KDM1A: variants seen among roughly 807,000 people sequenced by gnomAD.
KDM1A encodes lysine demethylase 1A.
In KDM1A, 49 loss-of-function variants were observed where a neutral mutation model predicts 109.4. That is an observed-to-expected ratio of 0.45 (90% CI 0.36 to 0.57). The LOEUF (loss-of-function observed/expected upper bound fraction) is 0.57. KDM1A is among the 20% of genes least tolerant of loss of function. The probability of loss-of-function intolerance (pLI) is 0.00; values close to 1 mark genes in which losing one functional copy is unlikely to be tolerated. For missense variants in KDM1A, 668 were observed against 1,116.6 expected (o/e 0.60, Z 5.73); for synonymous variants, 380 against 415.4 (o/e 0.91, Z 1.04).
intron 2 of KDM1A, 70 bp from the exon 3 acceptor site, chr1:23,044,357 G>C (rs1372920271): frequency 2.1e-6 from 3 of 1,423,140 alleles, no homozygotes; most frequent in Non-Finnish European, 2.9e-6. Flanking sequence ...CCAACTATTA[G>C]GCCTTTATGT....
chr1:23,067,601 CTG>C (rs1326298989), intron 10 of KDM1A, among the ~76,000 whole-genome samples: 2 of 152,204 alleles, frequency 1.3e-5, no homozygotes, highest in South Asian at 4.1e-4. Context: ...TTTAGGTTGA[CTG>C]TATAATGAAA....
intron 15 of KDM1A, among the ~76,000 whole-genome samples, chr1:23,074,390 C>T (rs1361533717): frequency 6.6e-6 from 1 of 152,184 alleles, no homozygotes; most frequent in Non-Finnish European, 1.5e-5. Flanking sequence ...TCCTTGTCAT[C>T]TGTGGCTTGT....
intron 1 of KDM1A, among the ~76,000 whole-genome samples, chr1:23,029,465 C>A (rs1162501096): frequency 6.6e-6 from 1 of 152,070 alleles, no homozygotes; most frequent in Admixed American, 6.5e-5. Flanking sequence ...TTTGGCTAAC[C>A]AATCCATAAT....
rs755993664 is a variant in KDM1A at position 23,062,523 on chromosome 1, T to C, written c.1167+3356T>C. 3.3e-5 allele frequency among the ~76,000 whole-genome samples: 5 copies of C among 152,242 alleles called. No individual in the cohort carries two copies. In the South Asian group the frequency reaches 8.3e-4, roughly 25 times the overall value. Reference sequence around the variant, plus strand: ...AAGGCCAGAAAGTTACTCAGAGTTATATCACTAGTAATAGTGTCTTAAGGA... The same window carrying C: ...AAGGCCAGAAAGTTACTCAGAGTTACATCACTAGTAATAGTGTCTTAAGGA... On this transcript the variant is annotated intron_variant, in intron 9 of 20. Transcript: ENST00000400181.
At chr1:23,055,023 A>T in intron 5 of KDM1A, 46 bp from the exon 6 acceptor site, 1 of 1,227,686 alleles carries the variant, frequency 8.1e-7, no homozygotes, top group Non-Finnish European at 1.2e-6. Flanking sequence ...AATATTGTTT[A>T]AACTGCTGAA....
At chr1:23,055,260 T>C in intron 6 of KDM1A, 99 bp downstream of exon 6, 2 of 526,838 alleles carry the variant, frequency 3.8e-6, no homozygotes, top group Non-Finnish European at 6.5e-6. Context: ...TTATTTTGAT[T>C]CATAAGACTA....
chr1:23,057,373 ACT>A, intron 7 of KDM1A, 109 bp from the exon 8 acceptor site: 1 of 769,848 alleles, frequency 1.3e-6, no homozygotes, highest in East Asian at 2.6e-5. Context: ...TTCCATGTAA[ACT>A]CTACATCTTT....
Position 23,019,571 on chromosome 1 carries a change from G to A in KDM1A, c.-26G>A, listed in dbSNP as rs780673375. On this transcript the variant is annotated 5_prime_UTR_variant, in exon 1 of 21. Coordinates refer to ENST00000400181, the MANE Select transcript of KDM1A (RefSeq NM_001009999.3). Reference sequence around the variant, plus strand: ...GAGCGACAGAGCGAGCGGCCCCTACGGCCGTCGGCGGCCCGGCGGCCCGAG... The same window carrying A: ...GAGCGACAGAGCGAGCGGCCCCTACAGCCGTCGGCGGCCCGGCGGCCCGAG... The A allele has an allele frequency of 1.1e-5, 16 of 1,394,154 alleles. No individual in the cohort carries two copies. The highest frequency in any genetic ancestry group is 1.4e-5 in the Non-Finnish European group (15 of 1,081,218). 86.4% of individuals were successfully genotyped at this position (1,394,154 alleles called of 1,614,324 possible). A position where few individuals can be genotyped will look rare whatever the true frequency, so the allele number is the denominator to read the frequency against.
At chr1:23,031,773 A>G (rs1422288423) in intron 2 of KDM1A, among the ~76,000 whole-genome samples, 2 of 152,236 alleles carry the variant, frequency 1.3e-5, no homozygotes, top group Non-Finnish European at 2.9e-5. Context: ...CAGTTTGAGA[A>G]CATTCAGAAA....
At chr1:23,028,577 G>C (rs1285997834) in intron 1 of KDM1A, among the ~76,000 whole-genome samples, 1 of 152,092 alleles carries the variant, frequency 6.6e-6, no homozygotes, top group Non-Finnish European at 1.5e-5. Context: ...GGATTGATGG[G>C]GCAGAGGATC....
At chr1:23,082,122 T>C in intron 19 of KDM1A, 98 bp from the exon 20 acceptor site, 1 of 1,325,948 alleles carries the variant, frequency 7.5e-7, no homozygotes, top group South Asian at 1.4e-5. Flanking sequence ...CCTCTTTCTC[T>C]TCACTTGCAT....
intron 19 of KDM1A, chr1:23,081,981 C>T (rs1307214375): frequency 1.0e-5 from 5 of 502,222 alleles, no homozygotes; most frequent in Non-Finnish European, 1.4e-5. Context: ...AAGGCCAAGC[C>T]CTGTGTAGAT....
At chr1:23,042,792 A>G (rs1306672504) in intron 2 of KDM1A, among the ~76,000 whole-genome samples, 5 of 151,302 alleles carry the variant, frequency 3.3e-5, no homozygotes, top group African/African-American at 4.9e-5. Flanking sequence ...TCTGTCGCCC[A>G]GGCTGGAGTG....
chr1:23,063,201 G>GGA (rs1643053274), intron 9 of KDM1A, among the ~76,000 whole-genome samples: 1 of 84,618 alleles, frequency 1.2e-5, no homozygotes, highest in Admixed American at 1.2e-4. Flanking sequence ...AGCATTGGGG[G>GGA]GGGGGTGTGG....
At chr1:23,058,178 C>T (rs1310291329) in intron 8 of KDM1A, among the ~76,000 whole-genome samples, 1 of 152,088 alleles carries the variant, frequency 6.6e-6, no homozygotes, top group Non-Finnish European at 1.5e-5. Flanking sequence ...AGGCATGGGC[C>T]ACCATGCTTG....
At chr1:23,036,766 T>C (rs953031367) in intron 2 of KDM1A, among the ~76,000 whole-genome samples, 2 of 151,926 alleles carry the variant, frequency 1.3e-5, no homozygotes, top group African/African-American at 4.8e-5. Context: ...TAGAGGCATA[T>C]AGAGGTAGGA....
intron 7 of KDM1A, 97 bp downstream of exon 7, chr1:23,056,135 G>A: frequency 1.2e-6 from 1 of 814,580 alleles, no homozygotes; most frequent in South Asian, 1.6e-5. Flanking sequence ...CTTGAACTAA[G>A]CTAAATTGAT....
Position 23,019,830 on chromosome 1 carries a change from G to C in KDM1A, c.234G>C (p.Pro78=). ...ASPPGGLAEP[P]GSAGPQAGPT... ...CCCCCGGGGGCCTGGCGGAACCGCC[G>C]GGGTCCGCAGGGCCTCAGGCCGGCC... Residue 78 remains proline, a synonymous_variant, in exon 1 of 21, where the codon CCG becomes CCC. Transcript: ENST00000400181. 1 of 1,437,314 alleles carries C rather than the reference G, an allele frequency of 7.0e-7. No individual in the cohort carries two copies. 89.0% of individuals were successfully genotyped at this position (1,437,314 alleles called of 1,614,324 possible).
intron 2 of KDM1A, among the ~76,000 whole-genome samples, chr1:23,034,002 AG>A: frequency 6.6e-6 from 1 of 152,316 alleles, no homozygotes; most frequent in Admixed American, 6.5e-5. Context: ...GGAAAGAAAA[AG>A]TTTGGGTGTT....
Sources: allele counts gnomAD v4.1 joint callset (sites outside exome capture counted in the v4.1 genomes callset), GRCh38; gene constraint gnomAD v4.1.1; transcripts MANE v1.5; gene names NCBI Gene and HGNC (gene_info 2026-07-23, HGNC 2026-07-21).